FBXL17: variants seen among roughly 807,000 people sequenced by gnomAD.
The protein encoded by FBXL17 is F-box/LRR-repeat protein 17.
FBXL17 carries 22 observed loss-of-function variants against 66.2 expected under a neutral mutation model. That is an observed-to-expected ratio of 0.33 (90% confidence interval 0.24 to 0.47). The LOEUF is 0.47. Ranked by LOEUF, FBXL17 falls within the 20% of genes least tolerant of loss-of-function variation. FBXL17 has a pLI of 1.00. For missense variants in FBXL17, 878 were observed against 948.2 expected (o/e 0.93, Z 0.97); for synonymous variants, 474 against 400.5 (o/e 1.18, Z -2.19).
intron 4 of FBXL17, among the ~76,000 whole-genome samples, chr5:108,296,622 T>C (rs1758360252): frequency 6.6e-6 from 1 of 151,780 alleles, no homozygotes; most frequent in Non-Finnish European, 1.5e-5. Flanking sequence ...TGGAGAGAAG[T>C]ACCAGTTGCC....
chr5:108,052,254 C>G (rs533480471), intron 6 of FBXL17, among the ~76,000 whole-genome samples: 8 of 152,114 alleles, frequency 5.3e-5, no homozygotes, highest in Non-Finnish European at 1.0e-4. Flanking sequence ...ATAGGAAAAG[C>G]GGAAGATAAA....
intron 7 of FBXL17, among the ~76,000 whole-genome samples, chr5:108,006,888 A>C (rs1345196489): frequency 6.6e-6 from 1 of 152,150 alleles, no homozygotes; most frequent in African/African-American, 2.4e-5. Context: ...AATTTAACTC[A>C]CTGTATGTGG....
intron 3 of FBXL17, among the ~76,000 whole-genome samples, chr5:108,360,702 G>A (rs1284700290): frequency 6.6e-6 from 1 of 151,878 alleles, no homozygotes; most frequent in African/African-American, 2.4e-5. Context: ...CTTTCCTTCT[G>A]GAATTAGCAA....
At chr5:108,310,595 A>C (rs1759067790) in intron 4 of FBXL17, among the ~76,000 whole-genome samples, 1 of 152,168 alleles carries the variant, frequency 6.6e-6, no homozygotes, top group South Asian at 2.1e-4. Context: ...TTATATAACA[A>C]TTATTTTCAA....
At chr5:108,079,432 T>G (rs1748681045) in intron 6 of FBXL17, among the ~76,000 whole-genome samples, 1 of 152,172 alleles carries the variant, frequency 6.6e-6, no homozygotes, top group African/African-American at 2.4e-5. Flanking sequence ...GACTACTGAT[T>G]AAAATAAAAT....
intron 6 of FBXL17, among the ~76,000 whole-genome samples, chr5:108,150,165 T>TA (rs1400886019): frequency 6.6e-6 from 1 of 152,186 alleles, no homozygotes; most frequent in Non-Finnish European, 1.5e-5. Flanking sequence ...ATCTCCTAAG[T>TA]ACTAGGACAG....
At chr5:107,918,466 TAGAC>T (rs1334852578) in intron 7 of FBXL17, among the ~76,000 whole-genome samples, 5 of 152,214 alleles carry the variant, frequency 3.3e-5, no homozygotes, top group South Asian at 4.1e-4. Context: ...AGCTTTTTCA[TAGAC>T]AGAAAACTTG....
chr5:108,178,334 C>A (rs1240555497), intron 6 of FBXL17, among the ~76,000 whole-genome samples: 1 of 152,110 alleles, frequency 6.6e-6, no homozygotes, highest in Admixed American at 6.5e-5. Flanking sequence ...AGGTGAGCCA[C>A]CATGCCTGGC....
intron 4 of FBXL17, among the ~76,000 whole-genome samples, chr5:108,312,176 C>T (rs1413497212): frequency 6.6e-6 from 1 of 152,070 alleles, no homozygotes; most frequent in Non-Finnish European, 1.5e-5. Context: ...TATTGCAGAA[C>T]AGATTAGGAG....
At chr5:108,123,817 A>C (rs1750593832) in intron 6 of FBXL17, among the ~76,000 whole-genome samples, 1 of 152,160 alleles carries the variant, frequency 6.6e-6, no homozygotes, top group Admixed American at 6.5e-5. Flanking sequence ...CAAAAACTTA[A>C]CATTCCTAAA....
chr5:108,197,972 G>A (rs1464018269), intron 5 of FBXL17, among the ~76,000 whole-genome samples: 1 of 152,102 alleles, frequency 6.6e-6, no homozygotes, highest in Admixed American at 6.6e-5. Context: ...ATCAGATACT[G>A]TTTCAAAGAG....
intron 7 of FBXL17, among the ~76,000 whole-genome samples, chr5:108,006,290 A>G (rs1172651879): frequency 6.6e-6 from 1 of 152,248 alleles, no homozygotes; most frequent in African/African-American, 2.4e-5. Flanking sequence ...AGATTATAAG[A>G]TAGGAAGAAG....
intron 7 of FBXL17, among the ~76,000 whole-genome samples, chr5:107,927,637 T>C (rs1238525224): frequency 1.3e-5 from 2 of 152,174 alleles, no homozygotes; most frequent in African/African-American, 4.8e-5. Context: ...GAGCCTATTA[T>C]CTATCACAAG....
rs200725008 is a variant in FBXL17 at position 108,124,289 on chromosome 5, T to TA, written c.1745+61827dup. Among the ~76,000 whole-genome samples the TA allele has an allele frequency of 4.1e-3, 626 of 151,028 alleles. 4 individuals are homozygous for TA. The highest frequency in any genetic ancestry group is 0.012 in the African/African-American group (496 of 41,202). On this transcript the variant is annotated intron_variant, in intron 6 of 8. Coordinates refer to ENST00000542267, the MANE Select transcript of FBXL17 (RefSeq NM_001163315.3). ...CAATTTCATAAGATATGAAATATGTTAAAAAAAAAGAACCAGAGTGATGCA... is the reference window on the plus strand; with the variant it reads ...CAATTTCATAAGATATGAAATATGTTAAAAAAAAAAGAACCAGAGTGATGCA...
At chr5:108,041,901 A>G (rs1463193915) in intron 6 of FBXL17, among the ~76,000 whole-genome samples, 1 of 152,018 alleles carries the variant, frequency 6.6e-6, no homozygotes, top group Non-Finnish European at 1.5e-5. Context: ...TATCCATTCT[A>G]TAATTCAGGG....
chr5:108,212,863 T>C (rs562313747), intron 5 of FBXL17, among the ~76,000 whole-genome samples: 1 of 152,308 alleles, frequency 6.6e-6, no homozygotes, highest in Admixed American at 6.5e-5. Context: ...TACGCTGCTC[T>C]TTTCAGAGCT....
chr5:108,123,194 C>T (rs776243145), intron 6 of FBXL17, among the ~76,000 whole-genome samples: 33 of 151,564 alleles, frequency 2.2e-4, no homozygotes, highest in Non-Finnish European at 3.7e-4. Flanking sequence ...ACAGTTTTGG[C>T]AAAACCATTT....
At chr5:108,025,950 C>T (rs1754807664) in intron 6 of FBXL17, among the ~76,000 whole-genome samples, 1 of 152,082 alleles carries the variant, frequency 6.6e-6, no homozygotes, top group Admixed American at 6.6e-5. Flanking sequence ...TTTTCTAAAG[C>T]TCCAAATCAG....
intron 7 of FBXL17, among the ~76,000 whole-genome samples, chr5:107,889,198 G>A (rs1333201915): frequency 6.6e-6 from 1 of 152,058 alleles, no homozygotes; most frequent in African/African-American, 2.4e-5. Context: ...ATTAATGATG[G>A]GAAGGCACAT....
Sources: allele counts gnomAD v4.1 joint callset (sites outside exome capture counted in the v4.1 genomes callset), GRCh38; gene constraint gnomAD v4.1.1; transcripts MANE v1.5; gene names NCBI Gene and HGNC (gene_info 2026-07-23, HGNC 2026-07-21).